Variants in HTR2C observed in about 807,000 individuals in gnomAD.
HTR2C encodes 5-hydroxytryptamine receptor 2C, also known as 5-hydroxytryptamine (serotonin) receptor 2C, G protein-coupled.
Under a neutral mutation model 21.0 loss-of-function variants are expected in HTR2C, and 5 were observed. The ratio of observed to expected loss-of-function variants is 0.24; its 90% CI spans 0.12 to 0.50. HTR2C has a LOEUF of 0.50. Among genes scored for constraint, HTR2C ranks in the 20% least tolerant of loss-of-function variants. The pLI, the probability that HTR2C is intolerant of heterozygous loss-of-function variation, is 0.98. For synonymous variants in HTR2C, 150 were observed against 145.3 expected (o/e 1.03, Z -0.23); for missense variants, 271 against 371.2 (o/e 0.73, Z 2.22).
At chrX:114,798,506 A>C (rs1234916822) in intron 4 of HTR2C, among the ~76,000 whole-genome samples, 2 of 111,740 alleles carry the variant, frequency 1.8e-5, no homozygotes, top group Admixed American at 9.5e-5. Flanking sequence ...TTAAACATTC[A>C]TGCTTTAATG....
chrX:114,848,242 A>T (rs782549694), intron 5 of HTR2C, 39 bp downstream of exon 5: 1 of 1,004,449 alleles, frequency 1.0e-6, no homozygotes. Context: ...TGCAGCGGCT[A>T]TGCTCAATAC....
chrX:114,883,923 C>A (rs782574289), intron 5 of HTR2C, among the ~76,000 whole-genome samples: 5 of 110,064 alleles, frequency 4.5e-5, no homozygotes, highest in Non-Finnish European at 9.5e-5. Flanking sequence ...CTTGAACCAG[C>A]ATCTATTCAA....
At chrX:114,659,182 G>A (rs963869626) in intron 2 of HTR2C, among the ~76,000 whole-genome samples, 18 of 110,942 alleles carry the variant, frequency 1.6e-4, no homozygotes, top group African/African-American at 5.9e-4. Flanking sequence ...AGCAACATGG[G>A]GGTAACTACC....
At chrX:114,719,203 A>C (rs1002682097) in intron 2 of HTR2C, among the ~76,000 whole-genome samples, 66 of 109,447 alleles carry the variant, frequency 6.0e-4, no homozygotes, top group African/African-American at 2.1e-3. Context: ...TCCTTCACAA[A>C]TTTGAAAACT....
intron 2 of HTR2C, among the ~76,000 whole-genome samples, chrX:114,699,760 T>C (rs1932401229): frequency 8.9e-6 from 1 of 111,763 alleles, no homozygotes; most frequent in South Asian, 3.7e-4. Flanking sequence ...AACTTCACAA[T>C]GATAATGTTG....
intron 5 of HTR2C, among the ~76,000 whole-genome samples, chrX:114,858,671 T>A (rs1274856273): frequency 1.8e-5 from 2 of 111,272 alleles, no homozygotes; most frequent in Non-Finnish European, 3.8e-5. Flanking sequence ...ATCTTAAAAA[T>A]TTTTTTAATT....
intron 4 of HTR2C, among the ~76,000 whole-genome samples, chrX:114,812,978 A>G (rs2070549806): frequency 9.0e-6 from 1 of 111,482 alleles, no homozygotes; most frequent in African/African-American, 3.3e-5. Flanking sequence ...TAATATTTAC[A>G]TTTACGATTA....
chrX:114,674,382 TG>T (rs1196970987), intron 2 of HTR2C, among the ~76,000 whole-genome samples: 7 of 112,270 alleles, frequency 6.2e-5, no homozygotes, highest in Non-Finnish European at 1.1e-4. Flanking sequence ...GGGAAACTTC[TG>T]ACCTTATAGT....
At chrX:114,861,725 T>C (rs973864340) in intron 5 of HTR2C, among the ~76,000 whole-genome samples, 2 of 111,254 alleles carry the variant, frequency 1.8e-5, no homozygotes, top group African/African-American at 6.5e-5. Context: ...GCATCCCTGA[T>C]GATTAATTGA....
intron 5 of HTR2C, among the ~76,000 whole-genome samples, chrX:114,855,545 G>A (rs2070952744): frequency 9.1e-6 from 1 of 109,827 alleles, no homozygotes. Context: ...TTTATCATTG[G>A]CAGCAAATAG....
intron 2 of HTR2C, among the ~76,000 whole-genome samples, chrX:114,695,232 G>A (rs1932242369): frequency 8.9e-6 from 1 of 112,172 alleles, no homozygotes; most frequent in Non-Finnish European, 1.9e-5. Flanking sequence ...AATGAACCTC[G>A]AAACAGAAGA....
intron 2 of HTR2C, among the ~76,000 whole-genome samples, chrX:114,726,109 C>T (rs1331248531): frequency 8.9e-6 from 1 of 112,297 alleles, no homozygotes; most frequent in Non-Finnish European, 1.9e-5. Context: ...CGCCCCTCCC[C>T]CAGCCTCACT....
chrX:114,633,928 A>ATG (rs1273696389), intron 2 of HTR2C, among the ~76,000 whole-genome samples: 877 of 50,317 alleles, frequency 0.017, 16 homozygotes, highest in African/African-American at 0.051. Flanking sequence ...ATATATATGC[A>ATG]TGTGTATATA....
chrX:114,684,629 C>T (rs1556413977), intron 2 of HTR2C, among the ~76,000 whole-genome samples: 1 of 111,066 alleles, frequency 9.0e-6, no homozygotes, highest in Non-Finnish European at 1.9e-5. Context: ...CAGATAATTT[C>T]TACTTTTATG....
At chrX:114,714,780 C>A (rs1184085816) in intron 2 of HTR2C, among the ~76,000 whole-genome samples, 1 of 111,438 alleles carries the variant, frequency 9.0e-6, no homozygotes, top group East Asian at 2.8e-4. Flanking sequence ...ACTTCTGTGT[C>A]ATGGATGAAA....
intron 2 of HTR2C, among the ~76,000 whole-genome samples, chrX:114,722,787 C>T (rs1162191014): frequency 7.6e-5 from 8 of 105,586 alleles, no homozygotes; most frequent in African/African-American, 2.7e-4. Flanking sequence ...TGGTTTTTGT[C>T]TTTGGTTCTG....
intron 2 of HTR2C, among the ~76,000 whole-genome samples, chrX:114,682,727 C>T (rs955514314): frequency 9.0e-6 from 1 of 110,637 alleles, no homozygotes; most frequent in Non-Finnish European, 1.9e-5. Flanking sequence ...GCTCACCCTC[C>T]GCCTTTCCTT....
At position 114,691,839 on chromosome X, in the gene HTR2C, C is replaced by T. The variant is rs189523841; in HGVS notation, c.-79-35019C>T. 1.1e-4 allele frequency among the ~76,000 whole-genome samples: 12 copies of T among 111,722 alleles called. 1 individual carries two copies. The highest frequency in any genetic ancestry group is 9.6e-4 in the Admixed American group (10 of 10,449). Reference sequence around the variant, plus strand: ...CCACTGCTTCTTAGAAAAAAAATAACGTCTATATATCTTCTTGATACAATT... The same window carrying T: ...CCACTGCTTCTTAGAAAAAAAATAATGTCTATATATCTTCTTGATACAATT... On this transcript the variant is annotated intron_variant, in intron 2 of 5. Coordinates refer to ENST00000276198, the MANE Select transcript of HTR2C (RefSeq NM_000868.4).
chrX:114,721,590 C>A lies in HTR2C; in HGVS notation c.-79-5268C>A, dbSNP rs1933218213. ...TGGTGTTTTGGACATGAAGTCCTTG[C>A]CCATGCCTATGTGCTGAATGGTAAT... On this transcript the variant is annotated intron_variant, in intron 2 of 5. Coordinates refer to ENST00000276198, the MANE Select transcript of HTR2C (RefSeq NM_000868.4). Among the ~76,000 whole-genome samples, 5 of 106,466 alleles carry A rather than the reference C, an allele frequency of 4.7e-5. No individual in the cohort carries two copies. The Middle Eastern group carries it at 0.014, about 301-fold the overall frequency. 92.5% of individuals were successfully genotyped at this position (106,466 alleles called of 115,157 possible). A position where few individuals can be genotyped will look rare whatever the true frequency, so the allele number is the denominator to read the frequency against.
Sources: allele counts gnomAD v4.1 joint callset (sites outside exome capture counted in the v4.1 genomes callset), GRCh38; gene constraint gnomAD v4.1.1; transcripts MANE v1.5; gene names NCBI Gene and HGNC (gene_info 2026-07-23, HGNC 2026-07-21).